The following PDE3B variants were observed in gnomAD, a reference collection of about 807,000 sequenced individuals.
The protein encoded by PDE3B is phosphodiesterase 3B, also known as cGMP-inhibited 3',5'-cyclic phosphodiesterase 3B.
Under a neutral mutation model 116.8 loss-of-function variants are expected in PDE3B, and 66 were observed. That is an observed-to-expected ratio of 0.56 (90% CI 0.46 to 0.69). PDE3B has a LOEUF of 0.69. PDE3B is among the 30% of genes least tolerant of loss of function. The pLI, the probability that PDE3B is intolerant of heterozygous loss-of-function variation, is 0.00. For synonymous variants in PDE3B, 595 were observed against 533.6 expected, an observed-to-expected ratio of 1.12 and a Z score of -1.59; for missense variants, 1,384 against 1,368.1, an observed-to-expected ratio of 1.01 and a Z score of -0.18.
At chr11:14,778,958 C>G (rs1335476026) in intron 2 of PDE3B, among the ~76,000 whole-genome samples, 2 of 152,060 alleles carry the variant, frequency 1.3e-5, no homozygotes, top group Non-Finnish European at 2.9e-5. Flanking sequence ...CTAAAATAAA[C>G]AGTGTATAGA....
intron 7 of PDE3B, 22 bp downstream of exon 7, chr11:14,819,231 G>A (rs1322011392): frequency 7.6e-6 from 11 of 1,448,922 alleles, no homozygotes; most frequent in African/African-American, 2.8e-5. Context: ...AAAGTCATAT[G>A]TATTTGAGTT....
intron 2 of PDE3B, chr11:14,775,004 C>A (rs1296330524): frequency 6.6e-6 from 1 of 152,204 alleles, no homozygotes; most frequent in East Asian, 1.9e-4. Flanking sequence ...TTATTTCCCA[C>A]ACTTTGTCAT....
intron 2 of PDE3B, chr11:14,775,534 A>G (rs1590133524): frequency 2.0e-5 from 3 of 152,046 alleles, no homozygotes. Flanking sequence ...TTGTCTGTAT[A>G]TATAATTTTT....
chr11:14,892,404 G>A, the PDE3B span, among the ~76,000 whole-genome samples: 4 of 152,208 alleles, frequency 2.6e-5, no homozygotes, highest in Non-Finnish European at 5.9e-5. Context: ...TTTGCGGAGC[G>A]GGTGGCCGGT....
intron 10 of PDE3B, among the ~76,000 whole-genome samples, chr11:14,834,109 A>G (rs1451968943): frequency 6.6e-6 from 1 of 152,196 alleles, no homozygotes; most frequent in Non-Finnish European, 1.5e-5. Flanking sequence ...ATTGTTAGTA[A>G]AAGGTGGTGA....
In PDE3B at chr11:14,721,808, G is replaced by A. The variant is rs1159201392; in HGVS notation, c.979-50129G>A. On this transcript the variant is annotated intron_variant, in intron 1 of 15. Transcript: ENST00000282096. ...GGGCAGGGGGGAGGGGTAGCATTGG[G>A]AGATATACCTAATGCTAGATGACGA... Among the ~76,000 whole-genome samples the A allele has an allele frequency of 2.4e-5, 3 of 122,596 alleles. No individual in the cohort carries two copies. The Admixed American group carries it at 2.5e-4, about 10-fold the overall frequency. The allele number at this position is 122,596 out of a possible 152,430, so 80.4% of individuals were successfully genotyped here.
At chr11:14,808,757 G>A (rs1035090810) in intron 5 of PDE3B, among the ~76,000 whole-genome samples, 5 of 152,064 alleles carry the variant, frequency 3.3e-5, no homozygotes, top group Admixed American at 1.3e-4. Context: ...GTTACAGAAC[G>A]ATTTCTGTTT....
chr11:14,835,884 C>T (rs1207798794), intron 11 of PDE3B, among the ~76,000 whole-genome samples: 2 of 152,140 alleles, frequency 1.3e-5, no homozygotes, highest in East Asian at 3.8e-4. Context: ...CTCTTGAGCC[C>T]AGGAGTTCAA....
At chr11:14,761,790 A>G (rs1450754428) in intron 1 of PDE3B, among the ~76,000 whole-genome samples, 1 of 152,172 alleles carries the variant, frequency 6.6e-6, no homozygotes, top group African/African-American at 2.4e-5. Flanking sequence ...AATGCCTAAC[A>G]GTGTCAAATG....
At chr11:14,780,398 T>C (rs1180897411) in intron 2 of PDE3B, among the ~76,000 whole-genome samples, 2 of 152,138 alleles carry the variant, frequency 1.3e-5, no homozygotes, top group Admixed American at 1.3e-4. Flanking sequence ...ATTCCAAAAT[T>C]GACCACATAG....
intron 7 of PDE3B, among the ~76,000 whole-genome samples, chr11:14,825,143 A>T (rs1013244447): frequency 1.1e-4 from 17 of 152,322 alleles, no homozygotes; most frequent in Middle Eastern, 3.4e-3. Flanking sequence ...TGAAAAGAGC[A>T]CTAAATATGA....
intron 2 of PDE3B, among the ~76,000 whole-genome samples, chr11:14,779,684 G>C (rs962535113): frequency 6.6e-6 from 1 of 152,128 alleles, no homozygotes; most frequent in Non-Finnish European, 1.5e-5. Flanking sequence ...AACATGGAAA[G>C]GAACAACTGC....
At chr11:14,877,368 A>C in the PDE3B span, 3 of 152,188 alleles carry the variant, frequency 2.0e-5, no homozygotes, top group Admixed American at 2.0e-4. Flanking sequence ...TTCGATCTTT[A>C]ATCCTTGTGA....
chr11:14,869,827 C>G lies in PDE3B; in HGVS notation c.*167C>G, dbSNP rs1699286178. 5.3e-6 allele frequency: 3 copies of G among 569,072 alleles called. No individual in the cohort carries two copies. Among genetic ancestry groups the G allele is most frequent in the Non-Finnish European group, 9.2e-6 (3 of 326,784 alleles). The allele number at this position is 569,072 out of a possible 1,614,324, so 35.3% of individuals were successfully genotyped here. On this transcript the variant is annotated 3_prime_UTR_variant, in exon 16 of 16. Transcript: ENST00000282096. ...CTTGCTCTGCTGGCAGTTTCCCACT[C>G]CTATGCACTTTCACAGGAACTAGAA...
Position 14,644,707 on chromosome 11 carries a change from C to G in PDE3B, c.632C>G (p.Ala211Gly), listed in dbSNP as rs1196678220. ...TGCGTAGGGCTGCTGCTGACGCTCG[C>G]GCACCCGCTGCGGCTCCGGCACTGC... is the stretch of plus-strand genomic sequence containing the variant. ...LSCVGLLLTLAHPLRLRHCVL... is the reference protein window; with the variant it reads ...LSCVGLLLTLGHPLRLRHCVL... The change falls in exon 1 of 16, where the codon GCG becomes GGG. Residue 211 changes from alanine to glycine, a missense_variant. Ala to Gly is a moderately conservative substitution (Grantham distance 60, BLOSUM62 0). Around this residue, in one of 2 missense-constraint regions of PDE3B, gnomAD observed 956 missense variants for 806.8 expected, o/e 1.18. Coordinates refer to ENST00000282096, the MANE Select transcript of PDE3B (RefSeq NM_000922.4). 6.6e-7 allele frequency: 1 copy of G among 1,526,534 alleles called. No homozygotes were observed. The highest frequency in any genetic ancestry group is 1.4e-5 in the African/African-American group (1 of 73,064). 94.6% of individuals were successfully genotyped at this position (1,526,534 alleles called of 1,614,324 possible). A position where few individuals can be genotyped will look rare whatever the true frequency, so the allele number is the denominator to read the frequency against.
intron 1 of PDE3B, among the ~76,000 whole-genome samples, chr11:14,663,416 C>T (rs1367087557): frequency 3.3e-5 from 5 of 152,118 alleles, no homozygotes; most frequent in Non-Finnish European, 7.4e-5. Flanking sequence ...AGCAAAATAA[C>T]CAGCTAACAT....
chr11:14,650,652 T>C (rs1236676184), intron 1 of PDE3B, among the ~76,000 whole-genome samples: 4 of 152,062 alleles, frequency 2.6e-5, no homozygotes, highest in Admixed American at 2.6e-4. Flanking sequence ...GAAGCAGGGT[T>C]GGAGTAATAC....
At chr11:14,717,717 TGCTGAGAGATTTTGTCACCACCAG>T (rs1234636397) in intron 1 of PDE3B, among the ~76,000 whole-genome samples, 3 of 133,408 alleles carry the variant, frequency 2.2e-5, no homozygotes, top group African/African-American at 8.6e-5. Flanking sequence ...GACAAGCAAA[TGCTGAGAGATTTTGTCACCACCAG>T]GCCTGCCCTA....
At chr11:14,823,317 C>T (rs979515582) in intron 7 of PDE3B, among the ~76,000 whole-genome samples, 1 of 152,134 alleles carries the variant, frequency 6.6e-6, no homozygotes, top group African/African-American at 2.4e-5. Flanking sequence ...ATCCTGTGAC[C>T]AAGGTCTACA....
Sources: allele counts gnomAD v4.1 joint callset (sites outside exome capture counted in the v4.1 genomes callset), GRCh38; gene constraint gnomAD v4.1.1; regional missense constraint gnomAD v4.1.1; transcripts MANE v1.5; gene names NCBI Gene and HGNC (gene_info 2026-07-23, HGNC 2026-07-21).